ABLIM2: variants seen among roughly 807,000 people sequenced by gnomAD.
ABLIM2 encodes the protein actin-binding LIM protein 2.
ABLIM2 carries 53 observed loss-of-function variants against 97.7 expected under a neutral mutation model. The ratio of observed to expected loss-of-function variants is 0.54; its 90% confidence interval spans 0.44 to 0.68. The LOEUF (loss-of-function observed/expected upper bound fraction) is 0.68, where lower values mean the gene tolerates loss of function less well. ABLIM2 is among the 30% of genes least tolerant of loss of function. The pLI is 0.00. For synonymous variants in ABLIM2, 361 were observed against 345.8 expected (o/e 1.04, Z -0.49); for missense variants, 835 against 867.2 (o/e 0.96, Z 0.47).
chr4:8,133,116 G>A (rs1042129356), intron 1 of ABLIM2, among the ~76,000 whole-genome samples: 2 of 152,170 alleles, frequency 1.3e-5, no homozygotes, highest in South Asian at 4.1e-4. Context: ...GCCTGCAGCC[G>A]CGTCACTCCA....
chr4:7,969,736 C>CTG, intron 20 of ABLIM2, among the ~76,000 whole-genome samples: 1 of 29,870 alleles, frequency 3.3e-5, no homozygotes, highest in Non-Finnish European at 1.0e-4. Context: ...CTCTGACACA[C>CTG]ACACACACAC....
Position 7,989,531 on chromosome 4 carries a change from TCTC to T in ABLIM2, c.1680+3332_1680+3334del, listed in dbSNP as rs912662992. ...TTATGCCTCCATAATGAATTAGTGT[TCTC>T]CTTTTATACTATTAATTTTATTAAT... is the stretch of plus-strand genomic sequence containing the variant. On this transcript the variant is annotated intron_variant, in intron 17 of 20. Coordinates refer to ENST00000447017, the MANE Select transcript of ABLIM2 (RefSeq NM_001130083.2). 5.3e-6 allele frequency: 3 copies of T among 570,602 alleles called. No individual in the cohort carries two copies. In the African/African-American group the frequency reaches 6.1e-5, roughly 12 times the overall value. The allele number at this position is 570,602 out of a possible 1,614,324, so 35.3% of individuals were successfully genotyped here.
chr4:8,027,787 G>A lies in ABLIM2; in HGVS notation c.1239C>T (p.Phe413=). The change falls in exon 12 of 21, where the codon TTC becomes TTT. Residue 413 remains phenylalanine, a synonymous_variant. Coordinates refer to ENST00000447017, the MANE Select transcript of ABLIM2 (RefSeq NM_001130083.2). ...LSQHPSPTSV[F]RHHYIPYFRG... ...GGAAGTAGGGGATGTAATGATGTCT[G>A]AACACGGATGTAGGGCTTGGGTGTT... 6.3e-7 allele frequency: 1 copy of A among 1,598,564 alleles called. No individual in the cohort carries two copies. The highest frequency in any genetic ancestry group is 8.5e-7 in the Non-Finnish European group (1 of 1,173,062).
At chr4:8,126,978 A>T (rs923724577) in intron 1 of ABLIM2, among the ~76,000 whole-genome samples, 1 of 151,362 alleles carries the variant, frequency 6.6e-6, no homozygotes, top group Non-Finnish European at 1.5e-5. Flanking sequence ...AGCTGTGAGG[A>T]TTACTTGAGC....
intron 1 of ABLIM2, among the ~76,000 whole-genome samples, chr4:8,131,654 A>T (rs112281980): frequency 2.2e-4 from 28 of 130,142 alleles, no homozygotes; most frequent in African/African-American, 4.4e-4. Context: ...CCGCATCCCC[A>T]GCACAGCATC....
At chr4:8,157,975 G>A (rs1367106994) in intron 1 of ABLIM2, among the ~76,000 whole-genome samples, 4 of 152,288 alleles carry the variant, frequency 2.6e-5, no homozygotes, top group Non-Finnish European at 4.4e-5. Context: ...TCCAGTTCTA[G>A]GTCTCAGTTT....
intron 1 of ABLIM2, among the ~76,000 whole-genome samples, chr4:8,151,701 G>A (rs1712852559): frequency 6.6e-6 from 1 of 152,132 alleles, no homozygotes; most frequent in African/African-American, 2.4e-5. Flanking sequence ...TTTTACAGAT[G>A]GGTACACTGA....
chr4:8,059,502 A>G (rs1293137610), intron 7 of ABLIM2, among the ~76,000 whole-genome samples: 6 of 151,776 alleles, frequency 4.0e-5, no homozygotes, highest in Non-Finnish European at 2.9e-5. Context: ...CCCCTTGCCT[A>G]AGGTGCCCCC....
At chr4:8,134,485 G>A (rs1302400893) in intron 1 of ABLIM2, among the ~76,000 whole-genome samples, 3 of 152,302 alleles carry the variant, frequency 2.0e-5, no homozygotes, top group East Asian at 3.9e-4. Context: ...CAAGAAGAAC[G>A]CATGCTAAAA....
intron 2 of ABLIM2, among the ~76,000 whole-genome samples, chr4:8,098,313 A>G (rs1577789336): frequency 6.6e-6 from 1 of 152,348 alleles, no homozygotes; most frequent in African/African-American, 2.4e-5. Context: ...GCCCTCATAC[A>G]TTTTAAACCT....
intron 3 of ABLIM2, among the ~76,000 whole-genome samples, chr4:8,091,949 T>A (rs1030640852): frequency 1.3e-4 from 17 of 131,018 alleles, no homozygotes; most frequent in Non-Finnish European, 2.5e-4. Flanking sequence ...ATATAATACA[T>A]ATTATAATAT....
chr4:8,062,290 C>G (rs1803733202), intron 6 of ABLIM2, among the ~76,000 whole-genome samples: 1 of 152,228 alleles, frequency 6.6e-6, no homozygotes, highest in Non-Finnish European at 1.5e-5. Flanking sequence ...AAGCGCAGGG[C>G]CTGGCACCTG....
chr4:8,017,629 C>A (rs748919420), intron 14 of ABLIM2, among the ~76,000 whole-genome samples: 1 of 152,166 alleles, frequency 6.6e-6, no homozygotes, highest in Non-Finnish European at 1.5e-5. Flanking sequence ...TTGGTCCTTG[C>A]TTAGGGTTTA....
intron 1 of ABLIM2, among the ~76,000 whole-genome samples, chr4:8,109,855 C>T (rs1279383244): frequency 6.6e-6 from 1 of 152,238 alleles, no homozygotes. Context: ...CCTGTGGGCT[C>T]AGTCTGCAGC....
At chr4:8,086,571 C>T (rs1823818896) in intron 4 of ABLIM2, among the ~76,000 whole-genome samples, 1 of 152,118 alleles carries the variant, frequency 6.6e-6, no homozygotes. Context: ...TCTCGGACTC[C>T]TGGCCTCAGG....
chr4:8,138,960 G>A (rs1238456234), intron 1 of ABLIM2, among the ~76,000 whole-genome samples: 1 of 152,254 alleles, frequency 6.6e-6, no homozygotes, highest in Non-Finnish European at 1.5e-5. Flanking sequence ...ACTTTGGGAG[G>A]CCTAGGTGGG....
At chr4:7,984,936 C>A (rs747877462) in intron 17 of ABLIM2, 43 bp from the exon 18 acceptor site, 10 of 1,592,364 alleles carry the variant, frequency 6.3e-6, no homozygotes, top group Non-Finnish European at 7.7e-6. Flanking sequence ...ACAGGCGGCA[C>A]GAGGGTGTGT....
intron 20 of ABLIM2, among the ~76,000 whole-genome samples, chr4:7,969,490 T>C (rs1725810588): frequency 6.6e-6 from 1 of 152,012 alleles, no homozygotes; most frequent in South Asian, 2.1e-4. Context: ...AAGTGCTATA[T>C]TAGAATCACT....
At chr4:8,143,742 C>G (rs998692513) in intron 1 of ABLIM2, among the ~76,000 whole-genome samples, 6 of 152,170 alleles carry the variant, frequency 3.9e-5, no homozygotes, top group African/African-American at 1.2e-4. Flanking sequence ...AGAACTGCCT[C>G]CAGTGCCCAG....
Sources: allele counts gnomAD v4.1 joint callset (sites outside exome capture counted in the v4.1 genomes callset), GRCh38; gene constraint gnomAD v4.1.1; transcripts MANE v1.5; gene names NCBI Gene and HGNC (gene_info 2026-07-23, HGNC 2026-07-21).